Variants in SMARCD3 observed in about 807,000 individuals in gnomAD.
SMARCD3 encodes the protein SWI/SNF related BAF chromatin remodeling complex subunit D3, also known as SWI/SNF-related matrix-associated actin-dependent regulator of chromatin subfamily D member 3.
In SMARCD3, 14 loss-of-function variants were observed where a neutral mutation model predicts 58.0. The observed-to-expected ratio is 0.24, with a 90% CI of 0.16 to 0.38. The LOEUF is 0.38. Ranked by LOEUF, SMARCD3 falls within the 10% of genes least tolerant of loss-of-function variation. SMARCD3 has a pLI of 1.00. For synonymous variants in SMARCD3, 253 were observed against 253.8 expected, an observed-to-expected ratio of 1.00 and a Z score of 0.03; for missense variants, 408 against 636.9, an observed-to-expected ratio of 0.64 and a Z score of 3.87.
At chr7:151,251,917 C>T (rs932211118), upstream of SMARCD3, among the ~76,000 whole-genome samples, 4 of 146,046 alleles carry the variant, frequency 2.7e-5, no homozygotes, top group African/African-American at 7.4e-5. Flanking sequence ...TGGGGGGGCT[C>T]GGGCCGGCCC....
chr7:151,256,971 A>T (rs909894428), intron 2 of SMARCD3, among the ~76,000 whole-genome samples: 1 of 152,066 alleles, frequency 6.6e-6, no homozygotes, highest in East Asian at 1.9e-4. Context: ...TTTCATCAAC[A>T]TTCCCCTCTT....
chr7:151,252,630 G>C (rs1803564371), upstream of SMARCD3, among the ~76,000 whole-genome samples: 1 of 152,196 alleles, frequency 6.6e-6, no homozygotes, highest in South Asian at 2.1e-4. Context: ...AGCCTCGGGG[G>C]ACCTCTGGCT....
chr7:151,267,329 T>C (rs1399067456), intron 2 of SMARCD3, among the ~76,000 whole-genome samples: 1 of 152,090 alleles, frequency 6.6e-6, no homozygotes, highest in Non-Finnish European at 1.5e-5. Context: ...GCGTAGAGAG[T>C]TCTTTAAAGA....
chr7:151,244,203 T>C (rs1181756430), intron 2 of SMARCD3, among the ~76,000 whole-genome samples: 1 of 152,098 alleles, frequency 6.6e-6, no homozygotes, highest in African/African-American at 2.4e-5. Flanking sequence ...TTGCACCCCT[T>C]CCAGCCACCC....
intron 2 of SMARCD3, among the ~76,000 whole-genome samples, chr7:151,256,306 G>A (rs986569828): frequency 6.6e-6 from 1 of 151,960 alleles, no homozygotes; most frequent in African/African-American, 2.4e-5. Flanking sequence ...GAATAGCTGG[G>A]ACCACAGGTG....
At chr7:151,251,670 C>T (rs1803515097), upstream of SMARCD3, among the ~76,000 whole-genome samples, 1 of 151,672 alleles carries the variant, frequency 6.6e-6, no homozygotes, top group African/African-American at 2.4e-5. Flanking sequence ...CGCAATAGGG[C>T]GCCCGCCGCA....
chr7:151,276,387 G>A (rs1795342328), intron 1 of SMARCD3, among the ~76,000 whole-genome samples: 1 of 147,198 alleles, frequency 6.8e-6, no homozygotes, highest in Admixed American at 6.7e-5. Context: ...GTGCTCGGCA[G>A]GGGGGAGGTG....
chr7:151,259,615 T>TG lies in SMARCD3; in HGVS notation c.40-13945_40-13944insC, dbSNP rs1198858368. 5.1e-4 allele frequency among the ~76,000 whole-genome samples: 69 copies of TG among 134,286 alleles called. 2 individuals are homozygous for TG. Among genetic ancestry groups the TG allele is most frequent in the Admixed American group, 1.6e-3 (22 of 13,510 alleles). The allele number at this position is 134,286 out of a possible 152,430, so 88.1% of individuals were successfully genotyped here. ...ACAACCTGAGAGTTTTTTTTTTTTT[T>TG]TTTTTTTTTTTGAGACGGACTTTCA... is the stretch of plus-strand genomic sequence containing the variant. On this transcript the variant is annotated intron_variant, in intron 2 of 13. Transcript: ENST00000356800.
chr7:151,255,818 G>A (rs1214536556), intron 2 of SMARCD3, among the ~76,000 whole-genome samples: 1 of 151,392 alleles, frequency 6.6e-6, no homozygotes, highest in Non-Finnish European at 1.5e-5. Flanking sequence ...CTTACACATT[G>A]AATCTCCTGG....
In SMARCD3 at chr7:151,239,628, A is replaced by C; in HGVS notation, c.1292T>G (p.Leu431Arg). The C allele has an allele frequency of 6.2e-7, 1 of 1,613,994 alleles. No homozygotes were observed. Among genetic ancestry groups the C allele is most frequent in the Non-Finnish European group, 8.5e-7 (1 of 1,180,002 alleles). The change falls in exon 11 of 13, where the codon CTC becomes CGC. Residue 431 changes from leucine (L) to arginine (R), a missense_variant. By Grantham distance (102) the Leu-to-Arg change is moderately radical. Coordinates refer to ENST00000262188, the MANE Select transcript of SMARCD3 (RefSeq NM_001003801.2). The surrounding 1 kb of genome is among the most constrained non-coding windows in gnomAD (Gnocchi z 7.0). ...QDLLRSQSRD[L>R]KVMTDVAGNP... ...TCCCTGAGTCTCCCTCTTCACCTTGAGGTCCCGGCTCTGGGAGCGGAGCAG... is the reference window on the plus strand; with the variant it reads ...TCCCTGAGTCTCCCTCTTCACCTTGCGGTCCCGGCTCTGGGAGCGGAGCAG...
At chr7:151,248,832 C>G (rs1803407352), upstream of SMARCD3, 1 of 313,278 alleles carries the variant, frequency 3.2e-6, no homozygotes, top group South Asian at 1.2e-4. This position sits in a 1 kb window ranked among gnomAD's most constrained non-coding sequence, Gnocchi z 6.1. Flanking sequence ...CCGGGGTCTG[C>G]CTGTTGACTC....
chr7:151,259,026 T>C (rs895242577), intron 2 of SMARCD3, among the ~76,000 whole-genome samples: 6 of 152,126 alleles, frequency 3.9e-5, no homozygotes, highest in Admixed American at 2.6e-4. Context: ...CTCCCTTACA[T>C]TGATGCCTAA....
rs1802878843 is a variant in SMARCD3, at chr7:151,239,986, CTCTTT to C, written c.1173+121_1173+125del. ...GTGTCCCATTGGCCCAGAGTCTGGTCTCTTTTTTTTTTTTTTTTTTAATTTAACCC... is the reference window on the plus strand; with the variant it reads ...GTGTCCCATTGGCCCAGAGTCTGGTCTTTTTTTTTTTTTTTAATTTAACCC... On this transcript the variant is annotated intron_variant, in intron 10 of 12. Transcript: ENST00000262188. The surrounding 1 kb of genome is among the most constrained non-coding windows in gnomAD (Gnocchi z 7.0). 50 of 945,432 alleles carry C rather than the reference CTCTTT, an allele frequency of 5.3e-5. No individual in the cohort carries two copies. In the East Asian group the frequency reaches 7.8e-4, roughly 15 times the overall value. The allele number at this position is 945,432 out of a possible 1,614,324, so 58.6% of individuals were successfully genotyped here. A position where few individuals can be genotyped will look rare whatever the true frequency, so the allele number is the denominator to read the frequency against.
At position 151,240,264 on chromosome 7, in the gene SMARCD3, G is replaced by A; in HGVS notation, c.1038-17C>T. The A allele has an allele frequency of 1.2e-6, 2 of 1,605,942 alleles. No homozygotes were observed. Among genetic ancestry groups the A allele is most frequent in the South Asian group, 1.1e-5 (1 of 90,726 alleles). Reference sequence around the variant, plus strand: ...GGGTCCACGCTGCCAGGGAAGTCCAGCCCTTCGTGTCCACGATGCCCCCAT... The same window carrying A: ...GGGTCCACGCTGCCAGGGAAGTCCAACCCTTCGTGTCCACGATGCCCCCAT... On this transcript the variant is annotated splice_polypyrimidine_tract_variant and intron_variant, in intron 9 of 12. Transcript: ENST00000262188.
intron 1 of SMARCD3, among the ~76,000 whole-genome samples, chr7:151,276,546 GAT>G (rs1795350479): frequency 2.1e-5 from 3 of 142,536 alleles, no homozygotes; most frequent in South Asian, 2.4e-4. Flanking sequence ...GCCAGGCAGC[GAT>G]GGGGAGGAGG....
chr7:151,250,223 CA>C (rs1293219473), upstream of SMARCD3, among the ~76,000 whole-genome samples: 1 of 152,078 alleles, frequency 6.6e-6, no homozygotes, highest in Non-Finnish European at 1.5e-5. Flanking sequence ...TCTGAAATGT[CA>C]GGGAGGACAT....
At chr7:151,274,661 G>A (rs545665466) in intron 2 of SMARCD3, among the ~76,000 whole-genome samples, 2 of 152,368 alleles carry the variant, frequency 1.3e-5, no homozygotes, top group African/African-American at 4.8e-5. Flanking sequence ...AGCTCGCAGA[G>A]AGCATGTGGT....
At chr7:151,256,971 A>G (rs909894428) in intron 2 of SMARCD3, among the ~76,000 whole-genome samples, 7 of 152,066 alleles carry the variant, frequency 4.6e-5, no homozygotes, top group African/African-American at 1.7e-4. Context: ...TTTCATCAAC[A>G]TTCCCCTCTT....
rs1350646023 is a variant in SMARCD3 at position 151,243,918 on chromosome 7, G to T, written c.291-217C>A. On this transcript the variant is annotated intron_variant, in intron 2 of 12. Transcript: ENST00000262188. The surrounding 1 kb of genome is among the most constrained non-coding windows in gnomAD (Gnocchi z 4.4). ...GACCCATCCATTCTCTGGCCTGGGA[G>T]CCCCCTTCTACCCTGCCACATCCTC... Among the ~76,000 whole-genome samples, 2 of 152,210 alleles carry T rather than the reference G, an allele frequency of 1.3e-5. No individual in the cohort carries two copies. The highest frequency in any genetic ancestry group is 6.5e-5 in the Admixed American group (1 of 15,282).
Sources: allele counts gnomAD v4.1 joint callset (sites outside exome capture counted in the v4.1 genomes callset), GRCh38; gene constraint gnomAD v4.1.1; non-coding constraint Gnocchi (gnomAD v3.1); transcripts MANE v1.5; gene names NCBI Gene and HGNC (gene_info 2026-07-23, HGNC 2026-07-21).